Variants in SGMS1 observed in about 807,000 individuals in gnomAD.
SGMS1 encodes the protein phosphatidylcholine:ceramide cholinephosphotransferase 1.
Under a neutral mutation model 46.2 loss-of-function variants are expected in SGMS1, and 13 were observed. That is an observed-to-expected ratio of 0.28 (90% CI 0.18 to 0.45). SGMS1 has a LOEUF of 0.45. Ranked by LOEUF, SGMS1 falls within the 20% of genes least tolerant of loss-of-function variation. SGMS1 has a pLI of 1.00. For missense variants in SGMS1, 324 were observed against 519.9 expected, an observed-to-expected ratio of 0.62 and a Z score of 3.66; for synonymous variants, 203 against 187.8, an observed-to-expected ratio of 1.08 and a Z score of -0.66.
chr10:50,504,162 C>T (rs1400575744), intron 3 of SGMS1, among the ~76,000 whole-genome samples: 3 of 152,162 alleles, frequency 2.0e-5, no homozygotes, highest in Non-Finnish European at 4.4e-5. Context: ...ATGCAGGGTA[C>T]CTGAAACCAG....
intron 5 of SGMS1, 100 bp downstream of exon 5, chr10:50,460,573 A>G (rs1425683664): frequency 6.6e-6 from 1 of 152,234 alleles, no homozygotes; most frequent in African/African-American, 2.4e-5. Flanking sequence ...GAACAGTGGG[A>G]TTCAAGACAA....
At chr10:50,424,529 A>G (rs1421595298) in intron 6 of SGMS1, among the ~76,000 whole-genome samples, 2 of 152,230 alleles carry the variant, frequency 1.3e-5, no homozygotes, top group Admixed American at 6.5e-5. Context: ...CCTCAAAAGC[A>G]ATTGCAACAA....
intron 2 of SGMS1, among the ~76,000 whole-genome samples, chr10:50,547,213 C>T (rs1346212712): frequency 6.6e-6 from 1 of 152,152 alleles, no homozygotes; most frequent in African/African-American, 2.4e-5. Context: ...AAAAGGACTC[C>T]ACTCCAGAAT....
chr10:50,432,301 A>G (rs977434421), intron 6 of SGMS1, among the ~76,000 whole-genome samples: 3 of 152,196 alleles, frequency 2.0e-5, no homozygotes, highest in Admixed American at 6.5e-5. Context: ...AAAGGTAATA[A>G]ATACTCAAAT....
intron 3 of SGMS1, among the ~76,000 whole-genome samples, chr10:50,475,164 G>A (rs1029743529): frequency 1.3e-5 from 2 of 152,108 alleles, no homozygotes; most frequent in African/African-American, 4.8e-5. Context: ...CTTGTCCATA[G>A]CAATGTAAAT....
chr10:50,539,377 C>G (rs2133816119), intron 2 of SGMS1, among the ~76,000 whole-genome samples: 1 of 152,358 alleles, frequency 6.6e-6, no homozygotes, highest in Non-Finnish European at 1.5e-5. Flanking sequence ...TCAATATCAT[C>G]ACCTTTTATT....
chr10:50,441,410 GA>G (rs1564914618), intron 5 of SGMS1, among the ~76,000 whole-genome samples: 1 of 151,276 alleles, frequency 6.6e-6, no homozygotes, highest in Non-Finnish European at 1.5e-5. Flanking sequence ...AATTGGACGA[GA>G]AAAAAAAGGT....
At chr10:50,512,898 G>T (rs1359977767) in intron 3 of SGMS1, among the ~76,000 whole-genome samples, 4 of 152,192 alleles carry the variant, frequency 2.6e-5, no homozygotes, top group Non-Finnish European at 4.4e-5. Context: ...AGGAGATGGG[G>T]GACCCTGCAG....
intron 6 of SGMS1, among the ~76,000 whole-genome samples, chr10:50,367,637 T>G (rs1316379473): frequency 1.3e-5 from 2 of 152,192 alleles, no homozygotes; most frequent in Non-Finnish European, 1.5e-5. Context: ...CTTAATGCAT[T>G]AAGGTTTTCT....
intron 2 of SGMS1, among the ~76,000 whole-genome samples, chr10:50,588,415 A>G (rs1838506886): frequency 6.6e-6 from 1 of 152,238 alleles, no homozygotes; most frequent in Admixed American, 6.5e-5. Context: ...GGAAAGCAGA[A>G]CAGTCGACAG....
intron 3 of SGMS1, among the ~76,000 whole-genome samples, chr10:50,468,642 A>G (rs972268553): frequency 3.8e-4 from 58 of 152,212 alleles, no homozygotes; most frequent in African/African-American, 1.4e-3. Flanking sequence ...TTACCACCAG[A>G]TAATTATTGA....
At chr10:50,625,013 C>T (rs978240046), upstream of SGMS1, 17 of 1,008,556 alleles carry the variant, frequency 1.7e-5, no homozygotes, top group Non-Finnish European at 1.9e-5. Flanking sequence ...GCGGGACCGT[C>T]CTCCCCCGCC....
intron 8 of SGMS1, among the ~76,000 whole-genome samples, chr10:50,313,974 G>GA (rs930239423): frequency 4.6e-5 from 7 of 151,908 alleles, no homozygotes; most frequent in African/African-American, 1.7e-4. Context: ...TAGAAAAAGA[G>GA]AAAGAAAAAT....
chr10:50,600,862 G>C (rs1838643546), intron 1 of SGMS1, among the ~76,000 whole-genome samples: 1 of 152,174 alleles, frequency 6.6e-6, no homozygotes, highest in Non-Finnish European at 1.5e-5. Flanking sequence ...CCGAGTCTAG[G>C]AAGATGAGGA....
intron 6 of SGMS1, among the ~76,000 whole-genome samples, chr10:50,409,302 A>G (rs1171334440): frequency 6.6e-6 from 1 of 152,210 alleles, no homozygotes; most frequent in Non-Finnish European, 1.5e-5. Flanking sequence ...ATTGTTGTTA[A>G]CTATAGTCAC....
intron 6 of SGMS1, among the ~76,000 whole-genome samples, chr10:50,345,666 C>T (rs2177372): frequency 0.11 from 16,001 of 152,064 alleles, 980 homozygotes; most frequent in Middle Eastern, 0.16. Flanking sequence ...CTCCAAAATC[C>T]GAAACTTTTT....
chr10:50,370,695 C>T (rs113328558), intron 6 of SGMS1, among the ~76,000 whole-genome samples: 26,955 of 150,362 alleles, frequency 0.18, 2,777 homozygotes, highest in Admixed American at 0.23. Flanking sequence ...GAGCCGAGAT[C>T]GTGCCACTGT....
chr10:50,573,563 A>G (rs1214821546), intron 2 of SGMS1, among the ~76,000 whole-genome samples: 1 of 152,236 alleles, frequency 6.6e-6, no homozygotes, highest in East Asian at 1.9e-4. Context: ...AGGAAGAATT[A>G]ATATTGCTAA....
intron 8 of SGMS1, among the ~76,000 whole-genome samples, chr10:50,318,984 G>T (rs1159860537): frequency 6.6e-6 from 1 of 151,922 alleles, no homozygotes; most frequent in Non-Finnish European, 1.5e-5. Context: ...CTTATCAAAG[G>T]CTTGATAAAA....
Sources: gnomAD v4.1 joint callset for allele counts (sites outside exome capture counted in the v4.1 genomes callset) on GRCh38, gnomAD v4.1.1 for gene constraint, MANE v1.5 for transcripts, NCBI Gene and HGNC (gene_info 2026-07-23, HGNC 2026-07-21) for gene names.